NTRK3: variants seen among roughly 807,000 people sequenced by gnomAD.
The protein encoded by NTRK3 is NT-3 growth factor receptor.
A neutral mutation model predicts 91.7 loss-of-function variants in NTRK3; 24 were observed. The ratio of observed to expected loss-of-function variants is 0.26; its 90% CI spans 0.19 to 0.37. The LOEUF (loss-of-function observed/expected upper bound fraction) is 0.37. NTRK3 is among the 10% of genes least tolerant of loss of function. The probability of loss-of-function intolerance (pLI) is 1.00; values close to 1 mark genes in which losing one functional copy is unlikely to be tolerated. For missense variants in NTRK3, 880 were observed against 1,068.9 expected, an observed-to-expected ratio of 0.82 and a Z score of 2.46; for synonymous variants, 483 against 404.0, an observed-to-expected ratio of 1.20 and a Z score of -2.34.
At chr15:87,964,869 C>G (rs987470169) in intron 14 of NTRK3, among the ~76,000 whole-genome samples, 1 of 152,196 alleles carries the variant, frequency 6.6e-6, no homozygotes, top group Non-Finnish European at 1.5e-5. Context: ...ACCACATTTT[C>G]TTTCTCCATT....
rs563942265 is a variant in NTRK3, at chr15:88,106,757, C to A, written c.1396+19514G>T. Among the ~76,000 whole-genome samples, 8 of 152,032 alleles carry A rather than the reference C, an allele frequency of 5.3e-5. No individual in the cohort carries two copies. In the East Asian group the frequency reaches 1.6e-3, roughly 30 times the overall value. ...ACCAGCCTGACCAACATGGTGAAAC[C>A]CTGTCTCTACTAAAAATACAAAACA... On this transcript the variant is annotated intron_variant, in intron 13 of 18. Coordinates refer to ENST00000394480, the Ensembl canonical transcript of NTRK3.
At chr15:88,134,431 G>T (rs575798637) in intron 10 of NTRK3, among the ~76,000 whole-genome samples, 5 of 152,284 alleles carry the variant, frequency 3.3e-5, no homozygotes, top group African/African-American at 9.6e-5. Flanking sequence ...TGGTCCACTT[G>T]ACATTAGCAC....
In NTRK3 at chr15:88,188,299, C is replaced by T. The variant is rs190637888; in HGVS notation, c.249-4000G>A. On this transcript the variant is annotated intron_variant, in intron 3 of 18. Coordinates refer to ENST00000394480, the Ensembl canonical transcript of NTRK3. ...AAATAAATTACCTCCACTTTAGTCT[C>T]ATAATACATTGGTTCTCAAAGGGAG... Among the ~76,000 whole-genome samples, 436 of 152,320 alleles carry T rather than the reference C, an allele frequency of 2.9e-3. 11 individuals carry two copies. Among genetic ancestry groups the T allele is most frequent in the Non-Finnish European group, 5.9e-4 (40 of 68,034 alleles).
chr15:87,960,580 G>A (rs1296015513), intron 14 of NTRK3, among the ~76,000 whole-genome samples: 1 of 151,942 alleles, frequency 6.6e-6, no homozygotes, highest in Non-Finnish European at 1.5e-5. Context: ...TGCCTCCCAG[G>A]TTCAAGGGAT....
intron 3 of NTRK3, among the ~76,000 whole-genome samples, chr15:88,223,644 AC>A (rs2050427943): frequency 6.6e-6 from 1 of 152,152 alleles, no homozygotes; most frequent in South Asian, 2.1e-4. Flanking sequence ...TGGACAAAGT[AC>A]TCAACCTTTT....
At chr15:87,876,819 G>A (rs2064966492) in exon 19 of NTRK3, 1 of 1,238,200 alleles carries the variant, frequency 8.1e-7, no homozygotes, top group African/African-American at 1.5e-5. Context: ...AGGCACTTGA[G>A]TTTATATGAA....
At chr15:88,005,242 T>G (rs889339716) in intron 14 of NTRK3, among the ~76,000 whole-genome samples, 10 of 152,194 alleles carry the variant, frequency 6.6e-5, no homozygotes, top group Admixed American at 5.9e-4. Flanking sequence ...CATGCTTTCC[T>G]GAGTAGGAGC....
At chr15:87,890,026 A>T (rs1313197747) in intron 17 of NTRK3, among the ~76,000 whole-genome samples, 1 of 151,078 alleles carries the variant, frequency 6.6e-6, no homozygotes, top group Admixed American at 6.6e-5. Context: ...AAAATTTCTC[A>T]AAGTCTGTTT....
intron 13 of NTRK3, among the ~76,000 whole-genome samples, chr15:88,105,716 C>T (rs938154498): frequency 6.0e-5 from 9 of 151,076 alleles, no homozygotes; most frequent in African/African-American, 2.2e-4. Flanking sequence ...CACACACCCC[C>T]ACACCAGAAG....
At chr15:88,077,483 A>T (rs1025424493) in intron 13 of NTRK3, among the ~76,000 whole-genome samples, 4 of 152,098 alleles carry the variant, frequency 2.6e-5, no homozygotes, top group African/African-American at 9.7e-5. Flanking sequence ...GAGTTTAAAA[A>T]TGGAAAGCCA....
chr15:87,968,792 T>C (rs2073008390), intron 14 of NTRK3, among the ~76,000 whole-genome samples: 1 of 152,160 alleles, frequency 6.6e-6, no homozygotes, highest in Non-Finnish European at 1.5e-5. Context: ...AGAGAGCATG[T>C]GAAGCTTGTG....
At chr15:88,148,315 G>A (rs567864782) in intron 5 of NTRK3, among the ~76,000 whole-genome samples, 14 of 152,282 alleles carry the variant, frequency 9.2e-5, no homozygotes, top group South Asian at 2.1e-4. Flanking sequence ...CTACACTGAC[G>A]AATGAGGGAG....
intron 3 of NTRK3, among the ~76,000 whole-genome samples, chr15:88,208,963 G>A (rs571047753): frequency 3.3e-5 from 5 of 152,282 alleles, no homozygotes; most frequent in African/African-American, 1.2e-4. Flanking sequence ...CCCTGAGTGA[G>A]GCATTGGACA....
In NTRK3 at chr15:88,135,817, T is replaced by C. The variant is rs1208850139; in HGVS notation, c.907+82A>G. On this transcript the variant is annotated intron_variant, in intron 9 of 18. Transcript: ENST00000394480. ...TCAGCTCACTGCTCTAGCTCACCCC[T>C]GACAACACCTTGGCCCCTCTCCAGC... 6 of 1,563,912 alleles carry C rather than the reference T, an allele frequency of 3.8e-6. No individual in the cohort carries two copies. In the African/African-American group the frequency reaches 6.8e-5, roughly 18 times the overall value.
intron 14 of NTRK3, among the ~76,000 whole-genome samples, chr15:87,966,134 T>C (rs778985006): frequency 6.6e-6 from 1 of 152,084 alleles, no homozygotes; most frequent in African/African-American, 2.4e-5. Context: ...GAACTAGGTG[T>C]CTTTCCTCTA....
exon 11 of NTRK3, chr15:88,128,724 A>G: frequency 6.2e-7 from 1 of 1,614,112 alleles, no homozygotes; most frequent in Non-Finnish European, 8.5e-7. Context: ...AGATAAAGTT[A>G]TCCGTGCTCT....
intron 3 of NTRK3, among the ~76,000 whole-genome samples, chr15:88,191,104 G>A (rs1038045713): frequency 2.6e-5 from 4 of 152,146 alleles, no homozygotes; most frequent in Middle Eastern, 6.8e-3. Context: ...GTACCTAAGC[G>A]TACGACACTA....
intron 16 of NTRK3, 66 bp downstream of exon 16, chr15:87,932,946 C>T (rs2141952132): frequency 6.4e-7 from 1 of 1,565,754 alleles, no homozygotes; most frequent in African/African-American, 1.4e-5. Flanking sequence ...ATTTCTGGCT[C>T]CAGGGAAAAC....
chr15:87,904,002 T>C (rs927191240), intron 17 of NTRK3, among the ~76,000 whole-genome samples: 1 of 152,142 alleles, frequency 6.6e-6, no homozygotes, highest in Admixed American at 6.5e-5. Flanking sequence ...ATGCTCTCCT[T>C]GTGTACCCTG....
Sources: gnomAD v4.1 joint callset for allele counts (sites outside exome capture counted in the v4.1 genomes callset) on GRCh38, gnomAD v4.1.1 for gene constraint, MANE v1.5 for transcripts, NCBI Gene and HGNC (gene_info 2026-07-23, HGNC 2026-07-21) for gene names.